The following TRDN variants were observed in gnomAD, a reference collection of about 807,000 sequenced individuals.
The protein encoded by TRDN is triadin.
TRDN carries 161 observed loss-of-function variants against 149.7 expected under a neutral mutation model. The ratio of observed to expected loss-of-function variants is 1.08; its 90% CI spans 0.95 to 1.23. The LOEUF is 1.23. Ranked by LOEUF, TRDN falls within the 50% of genes most tolerant of loss-of-function variation. The pLI is 0.00. For missense variants in TRDN, 896 were observed against 823.5 expected (o/e 1.09, Z -1.08); for synonymous variants, 294 against 250.5 (o/e 1.17, Z -1.64).
intron 12 of TRDN, among the ~76,000 whole-genome samples, chr6:123,398,008 C>A (rs1469745410): frequency 6.6e-6 from 1 of 152,156 alleles, no homozygotes; most frequent in Non-Finnish European, 1.5e-5. Context: ...TTCTTATTTT[C>A]TTTTATTTCT....
chr6:123,417,085 C>G (rs1370119350), intron 12 of TRDN, among the ~76,000 whole-genome samples: 2 of 152,126 alleles, frequency 1.3e-5, no homozygotes, highest in South Asian at 2.1e-4. Context: ...GAAGGAATAC[C>G]TAAGGAGAAT....
At chr6:123,615,066 G>A (rs1003107260) in intron 1 of TRDN, among the ~76,000 whole-genome samples, 3 of 151,964 alleles carry the variant, frequency 2.0e-5, no homozygotes, top group Non-Finnish European at 4.4e-5. Flanking sequence ...TCAACACCAC[G>A]AATCATCAGT....
intron 4 of TRDN, among the ~76,000 whole-genome samples, chr6:123,545,879 CA>C (rs1274532023): frequency 6.6e-6 from 1 of 151,456 alleles, no homozygotes; most frequent in Non-Finnish European, 1.5e-5. Context: ...AAAATAATTT[CA>C]AAGAAAAATT....
chr6:123,563,499 A>G (rs1016555696), intron 2 of TRDN, among the ~76,000 whole-genome samples: 1 of 152,196 alleles, frequency 6.6e-6, no homozygotes, highest in Non-Finnish European at 1.5e-5. Flanking sequence ...CCCATGTTAA[A>G]TATAAACAAG....
At chr6:123,314,453 C>T (rs530555308) in intron 24 of TRDN, among the ~76,000 whole-genome samples, 1 of 151,888 alleles carries the variant, frequency 6.6e-6, no homozygotes, top group African/African-American at 2.4e-5. Flanking sequence ...CATCAAAGAC[C>T]AGTGTGGCAT....
At chr6:123,358,417 C>T (rs1215324814) in intron 20 of TRDN, among the ~76,000 whole-genome samples, 6 of 151,796 alleles carry the variant, frequency 4.0e-5, no homozygotes, top group African/African-American at 7.3e-5. Context: ...CTTTTTTCTC[C>T]GTATCACCCA....
intron 38 of TRDN, among the ~76,000 whole-genome samples, chr6:123,246,175 G>A (rs1317807374): frequency 6.6e-6 from 1 of 152,080 alleles, no homozygotes; most frequent in African/African-American, 2.4e-5. Flanking sequence ...ACAATTAAAA[G>A]AACTAGAGAA....
intron 2 of TRDN, among the ~76,000 whole-genome samples, chr6:123,549,114 G>A (rs1781261825): frequency 6.6e-6 from 1 of 152,028 alleles, no homozygotes; most frequent in Non-Finnish European, 1.5e-5. Flanking sequence ...ATCTGGAATA[G>A]TCAAGTTAGT....
intron 8 of TRDN, among the ~76,000 whole-genome samples, chr6:123,499,716 AAAAATATAT>A (rs1778603944): frequency 1.8e-5 from 2 of 110,664 alleles, no homozygotes; most frequent in African/African-American, 6.6e-5. Flanking sequence ...AAAAAAAAAA[AAAAATATAT>A]ATATATATAT....
intron 10 of TRDN, among the ~76,000 whole-genome samples, chr6:123,461,041 C>T (rs1458302117): frequency 3.9e-5 from 6 of 152,132 alleles, no homozygotes. Flanking sequence ...TATTTAACCA[C>T]TGGGCAAAGC....
chr6:123,239,321 G>C (rs1178885995), intron 38 of TRDN, among the ~76,000 whole-genome samples: 1 of 152,102 alleles, frequency 6.6e-6, no homozygotes, highest in Non-Finnish European at 1.5e-5. Context: ...AGGAGGAGAT[G>C]TCAATATAGT....
chr6:123,510,909 G>A (rs145616471), intron 7 of TRDN, among the ~76,000 whole-genome samples: 294 of 152,236 alleles, frequency 1.9e-3, no homozygotes, highest in African/African-American at 6.9e-3. Context: ...CTCCCAGAGT[G>A]CTGGTATTAC....
intron 12 of TRDN, among the ~76,000 whole-genome samples, chr6:123,429,511 G>A (rs1774249962): frequency 6.6e-6 from 1 of 152,022 alleles, no homozygotes; most frequent in Non-Finnish European, 1.5e-5. Flanking sequence ...AGACTTTTAG[G>A]ATATATAACG....
intron 38 of TRDN, among the ~76,000 whole-genome samples, chr6:123,226,085 A>C (rs1020451681): frequency 6.6e-6 from 1 of 151,836 alleles, no homozygotes; most frequent in Non-Finnish European, 1.5e-5. Context: ...AAACAAAATT[A>C]CTAGAATTTT....
chr6:123,532,427 G>T (rs1780293569), intron 4 of TRDN, among the ~76,000 whole-genome samples: 1 of 149,288 alleles, frequency 6.7e-6, no homozygotes, highest in African/African-American at 2.4e-5. Flanking sequence ...TGCAGATTTT[G>T]TATAATTTGG....
At position 123,217,542 on chromosome 6, in the gene TRDN, A is replaced by T. The variant is rs1469704502; in HGVS notation, c.*1059T>A. ...AAAAACATAACAGTCATTCCCAGGG[A>T]TGCACTGTCGAGTAGATTAAAAATT... On this transcript the variant is annotated 3_prime_UTR_variant, in exon 41 of 41. Transcript: ENST00000334268. 1 of 151,956 alleles carries T rather than the reference A, an allele frequency of 6.6e-6. No individual in the cohort carries two copies. Among genetic ancestry groups the T allele is most frequent in the African/African-American group, 2.4e-5 (1 of 41,428 alleles). The allele number at this position is 151,956 out of a possible 1,614,324, so 9.4% of individuals were successfully genotyped here. A position where few individuals can be genotyped will look rare whatever the true frequency, so the allele number is the denominator to read the frequency against.
intron 10 of TRDN, among the ~76,000 whole-genome samples, chr6:123,447,251 C>G (rs957442008): frequency 6.6e-6 from 1 of 152,204 alleles, no homozygotes; most frequent in Non-Finnish European, 1.5e-5. Flanking sequence ...TTTAGTCATA[C>G]AATTTATTCA....
At chr6:123,307,548 T>C (rs1244328536) in intron 24 of TRDN, among the ~76,000 whole-genome samples, 1 of 152,052 alleles carries the variant, frequency 6.6e-6, no homozygotes, top group Non-Finnish European at 1.5e-5. Context: ...ATTTTTTTAA[T>C]TCCTATAAAC....
chr6:123,519,961 A>G, intron 5 of TRDN, among the ~76,000 whole-genome samples: 1 of 152,196 alleles, frequency 6.6e-6, no homozygotes, highest in African/African-American at 2.4e-5. Context: ...ATATATATCT[A>G]TATTTTAATT....
Sources: gnomAD v4.1 joint callset for allele counts (sites outside exome capture counted in the v4.1 genomes callset) on GRCh38, gnomAD v4.1.1 for gene constraint, MANE v1.5 for transcripts, NCBI Gene and HGNC (gene_info 2026-07-23, HGNC 2026-07-21) for gene names.